TCEA3: variants seen among roughly 807,000 people sequenced by gnomAD.
The protein encoded by TCEA3 is transcription elongation factor A3.
A neutral mutation model predicts 44.0 loss-of-function variants in TCEA3; 36 were observed. The ratio of observed to expected loss-of-function variants is 0.82; its 90% CI spans 0.63 to 1.08. TCEA3 has a LOEUF of 1.08. Among genes scored for constraint, TCEA3 ranks in the 50% least tolerant of loss-of-function variants. The pLI is 0.00. For synonymous variants in TCEA3, 162 were observed against 159.7 expected (o/e 1.01, Z -0.11); for missense variants, 392 against 441.2 (o/e 0.89, Z 1.00).
chr1:23,412,079 C>G (rs1639725872), intron 4 of TCEA3: 1 of 152,226 alleles, frequency 6.6e-6, no homozygotes, highest in South Asian at 2.1e-4. Flanking sequence ...ATTGGTCTCT[C>G]TGGTCCTCAG....
chr1:23,406,855 C>T (rs1465962029), intron 5 of TCEA3, among the ~76,000 whole-genome samples: 1 of 152,164 alleles, frequency 6.6e-6, no homozygotes. Flanking sequence ...CTCCTGGCTT[C>T]AAGTGATCTG....
At chr1:23,404,189 A>T (rs945923882) in intron 5 of TCEA3, 1 of 702,312 alleles carries the variant, frequency 1.4e-6, no homozygotes, top group Non-Finnish European at 2.6e-6. Context: ...TCTGATAGCC[A>T]GGTAAAAGGA....
chr1:23,404,469 G>A (rs542860732), intron 5 of TCEA3, among the ~76,000 whole-genome samples: 1 of 151,868 alleles, frequency 6.6e-6, no homozygotes, highest in Non-Finnish European at 1.5e-5. Context: ...ATGTTCCCAC[G>A]GTGTTTTATA....
intron 7 of TCEA3, among the ~76,000 whole-genome samples, chr1:23,396,460 C>G (rs986969894): frequency 2.0e-5 from 3 of 152,044 alleles, no homozygotes; most frequent in African/African-American, 7.2e-5. Flanking sequence ...CAGTGGTGGC[C>G]ACCTCTCCTG....
At chr1:23,414,065 T>G (rs1010403636) in intron 4 of TCEA3, among the ~76,000 whole-genome samples, 2 of 150,490 alleles carry the variant, frequency 1.3e-5, no homozygotes, top group Non-Finnish European at 3.0e-5. Flanking sequence ...TTCTAGATAA[T>G]AAATGATATT....
intron 4 of TCEA3, among the ~76,000 whole-genome samples, chr1:23,411,310 C>T (rs1386478191): frequency 6.6e-6 from 1 of 152,164 alleles, no homozygotes; most frequent in Non-Finnish European, 1.5e-5. Flanking sequence ...GCACGCGCCA[C>T]CATTCCCGGC....
chr1:23,389,261 G>T (rs1048112484), intron 8 of TCEA3, among the ~76,000 whole-genome samples: 1 of 152,150 alleles, frequency 6.6e-6, no homozygotes, highest in Non-Finnish European at 1.5e-5. Context: ...GCTGGGACAG[G>T]TGGATCACCT....
rs575548749 is a variant in TCEA3 at position 23,422,160 on chromosome 1, T to C, written c.69+2405A>G. On this transcript the variant is annotated intron_variant, in intron 1 of 10. Transcript: ENST00000450454. ...TGTATAAATGTGGCTGTTTGCTAAGTCTGTAGCATTGCATGTCTGGGTGTA... is the reference window on the plus strand; with the variant it reads ...TGTATAAATGTGGCTGTTTGCTAAGCCTGTAGCATTGCATGTCTGGGTGTA... Among the ~76,000 whole-genome samples the C allele has an allele frequency of 2.6e-5, 4 of 152,338 alleles. No individual in the cohort carries two copies. The South Asian group carries it at 8.3e-4, about 32-fold the overall frequency.
chr1:23,394,257 G>A (rs1361116645), intron 7 of TCEA3, among the ~76,000 whole-genome samples: 2 of 152,166 alleles, frequency 1.3e-5, no homozygotes, highest in Non-Finnish European at 2.9e-5. Flanking sequence ...GGTAAGATCA[G>A]ATCATAGCAA....
chr1:23,400,372 G>GT (rs1639362989), intron 5 of TCEA3, among the ~76,000 whole-genome samples: 1 of 58,266 alleles, frequency 1.7e-5, no homozygotes, highest in African/African-American at 6.6e-5. Flanking sequence ...GCCACACCAG[G>GT]CTTTTTTTTT....
chr1:23,417,523 C>T, intron 3 of TCEA3, 133 bp from the exon 4 acceptor site: 1 of 1,364,160 alleles, frequency 7.3e-7, no homozygotes. Flanking sequence ...CACACAAACA[C>T]ATTTACACAC....
At chr1:23,414,395 C>G (rs1039661572) in intron 4 of TCEA3, among the ~76,000 whole-genome samples, 6 of 150,082 alleles carry the variant, frequency 4.0e-5, no homozygotes, top group African/African-American at 1.5e-4. Context: ...TGGCCCTTAT[C>G]TTTTGTTTTG....
At chr1:23,390,496 A>C (rs896069757) in intron 8 of TCEA3, among the ~76,000 whole-genome samples, 1 of 152,120 alleles carries the variant, frequency 6.6e-6, no homozygotes, top group Admixed American at 6.6e-5. Context: ...AAAACAAAAA[A>C]CAAAAAACAG....
intron 4 of TCEA3, among the ~76,000 whole-genome samples, chr1:23,412,608 T>C (rs1161040057): frequency 2.0e-5 from 3 of 151,792 alleles, no homozygotes; most frequent in Non-Finnish European, 4.4e-5. Context: ...CTCGGGAGGC[T>C]GAGGCAGAAG....
chr1:23,418,064 G>A, intron 2 of TCEA3, 55 bp from the exon 3 acceptor site: 3 of 1,549,296 alleles, frequency 1.9e-6, no homozygotes, highest in Non-Finnish European at 2.7e-6. Context: ...AGGAATGGCT[G>A]CCATCATTGG....
At chr1:23,408,253 T>A (rs192384973) in intron 5 of TCEA3, among the ~76,000 whole-genome samples, 2 of 152,152 alleles carry the variant, frequency 1.3e-5, no homozygotes, top group Non-Finnish European at 2.9e-5. Flanking sequence ...TGAGCCACTG[T>A]GCCCAGCCTA....
chr1:23,405,114 C>G (rs1032818880), intron 5 of TCEA3, among the ~76,000 whole-genome samples: 16 of 152,180 alleles, frequency 1.1e-4, no homozygotes, highest in Non-Finnish European at 7.3e-5. Flanking sequence ...CACATACTTT[C>G]TAGTTTGCCA....
At chr1:23,398,142 A>G (rs1180394353) in intron 5 of TCEA3, among the ~76,000 whole-genome samples, 187 bp from the exon 6 acceptor site, 1 of 152,152 alleles carries the variant, frequency 6.6e-6, no homozygotes, top group Non-Finnish European at 1.5e-5. Flanking sequence ...TGAGGTTGAT[A>G]CTATTCTCAT....
At chr1:23,414,361 A>T (rs1639826963) in intron 4 of TCEA3, among the ~76,000 whole-genome samples, 1 of 151,874 alleles carries the variant, frequency 6.6e-6, no homozygotes, top group African/African-American at 2.4e-5. Flanking sequence ...AAGTGCTAGG[A>T]TTATAGGCAT....
Sources: allele counts gnomAD v4.1 joint callset (sites outside exome capture counted in the v4.1 genomes callset), GRCh38; gene constraint gnomAD v4.1.1; transcripts MANE v1.5; gene names NCBI Gene and HGNC (gene_info 2026-07-23, HGNC 2026-07-21).